Variants in DENND1A observed in about 807,000 individuals in gnomAD.
DENND1A encodes the protein DENN domain-containing protein 1A.
Under a neutral mutation model 113.7 loss-of-function variants are expected in DENND1A, and 51 were observed. That is an observed-to-expected ratio of 0.45 (90% CI 0.36 to 0.57). The LOEUF is 0.57. Ranked by LOEUF, DENND1A falls within the 20% of genes least tolerant of loss-of-function variation. DENND1A has a pLI of 0.00. For missense variants in DENND1A, 1,258 were observed against 1,395.9 expected (o/e 0.90, Z 1.57); for synonymous variants, 565 against 570.8 (o/e 0.99, Z 0.14).
intron 13 of DENND1A, among the ~76,000 whole-genome samples, chr9:123,462,689 T>A (rs1400111107): frequency 1.3e-5 from 2 of 152,074 alleles, no homozygotes; most frequent in Non-Finnish European, 2.9e-5. Flanking sequence ...CCCAGCTACT[T>A]GGGAGGCTGA....
intron 2 of DENND1A, among the ~76,000 whole-genome samples, chr9:123,814,929 T>C (rs771649576): frequency 4.6e-5 from 7 of 152,262 alleles, no homozygotes; most frequent in African/African-American, 7.2e-5. Context: ...ATATTATTCA[T>C]TGAATGATAG....
chr9:123,521,660 A>G (rs1477991749), intron 13 of DENND1A, among the ~76,000 whole-genome samples: 1 of 152,200 alleles, frequency 6.6e-6, no homozygotes, highest in East Asian at 1.9e-4. Context: ...TCTCTGTGTC[A>G]CCAAAGGCTG....
intron 2 of DENND1A, among the ~76,000 whole-genome samples, chr9:123,817,086 T>C (rs1564329615): frequency 6.6e-6 from 1 of 152,176 alleles, no homozygotes; most frequent in Non-Finnish European, 1.5e-5. Context: ...AACCTCTCTA[T>C]AATAACCTCA....
intron 4 of DENND1A, among the ~76,000 whole-genome samples, chr9:123,768,062 C>G (rs1829115024): frequency 6.6e-6 from 1 of 152,128 alleles, no homozygotes; most frequent in Admixed American, 6.5e-5. Context: ...TACTTCCTTG[C>G]ATTTTTAGGA....
At chr9:123,786,106 G>A (rs977955862) in intron 3 of DENND1A, among the ~76,000 whole-genome samples, 2 of 151,930 alleles carry the variant, frequency 1.3e-5, no homozygotes, top group East Asian at 1.9e-4. Context: ...CCAGCTACTC[G>A]GGAGGCTGAG....
chr9:123,713,991 A>G (rs1030104328), intron 5 of DENND1A, among the ~76,000 whole-genome samples: 5 of 152,218 alleles, frequency 3.3e-5, no homozygotes, highest in African/African-American at 1.2e-4. Context: ...TATAAGAGCC[A>G]TCTAAAAATT....
chr9:123,390,281 A>G (rs142710392), intron 21 of DENND1A, among the ~76,000 whole-genome samples: 160 of 151,532 alleles, frequency 1.1e-3, no homozygotes, highest in African/African-American at 3.7e-3. Flanking sequence ...TGCTGGGGGA[A>G]CCCCCACTTT....
In DENND1A at chr9:123,381,432, T is replaced by C. The variant is rs1459198832; in HGVS notation, c.3213A>G (p.Ter1071TrpextTer4). Residue 1071 changes from the stop codon to tryptophan, a stop_lost, in exon 24 of 24, where the codon TGA (stop) becomes TGG (tryptophan). Coordinates refer to ENST00000394215, the MANE Select transcript of DENND1A (RefSeq NM_001352964.2). This position sits in a 1 kb window ranked among gnomAD's most constrained non-coding sequence, Gnocchi z 4.7. Reference sequence around the variant, plus strand: ...GCATCCCCCACCCTCAGGGCCCGGCTCACTCGAAGGTCTCCCACTGCTTCC... The same window carrying C: ...GCATCCCCCACCCTCAGGGCCCGGCCCACTCGAAGGTCTCCCACTGCTTCC... ...QLRKQWETFE* is the reference protein window; with the variant it reads ...QLRKQWETFEW 1.2e-6 allele frequency: 2 copies of C among 1,612,606 alleles called. No individual in the cohort carries two copies. The highest frequency in any genetic ancestry group is 1.7e-6 in the Non-Finnish European group (2 of 1,179,840).
At chr9:123,793,788 A>G (rs532203863) in intron 2 of DENND1A, among the ~76,000 whole-genome samples, 5 of 152,332 alleles carry the variant, frequency 3.3e-5, no homozygotes, top group East Asian at 3.9e-4. Context: ...ATTAAAACCA[A>G]TGTGTATTAT....
At chr9:123,864,200 A>C (rs558459828) in intron 2 of DENND1A, among the ~76,000 whole-genome samples, 67 of 152,242 alleles carry the variant, frequency 4.4e-4, no homozygotes, top group Non-Finnish European at 8.8e-4. Flanking sequence ...GCAATTCTAA[A>C]AGATAAGCAT....
chr9:123,585,092 A>G (rs2059100173), intron 11 of DENND1A, among the ~76,000 whole-genome samples: 1 of 152,238 alleles, frequency 6.6e-6, no homozygotes, highest in African/African-American at 2.4e-5. Flanking sequence ...CTAGGATTGA[A>G]AAAACACTCC....
chr9:123,745,565 C>G (rs1387245606), intron 5 of DENND1A, among the ~76,000 whole-genome samples: 1 of 152,188 alleles, frequency 6.6e-6, no homozygotes, highest in East Asian at 1.9e-4. Flanking sequence ...TAAAATTGCC[C>G]AATTTGGCAT....
chr9:123,621,856 T>C (rs2060980390), intron 10 of DENND1A, among the ~76,000 whole-genome samples: 1 of 152,368 alleles, frequency 6.6e-6, no homozygotes, highest in African/African-American at 2.4e-5. Context: ...TGGATGTTAC[T>C]TCAGAATTGT....
At chr9:123,556,160 G>C (rs1430165207) in intron 13 of DENND1A, among the ~76,000 whole-genome samples, 1 of 152,220 alleles carries the variant, frequency 6.6e-6, no homozygotes, top group Admixed American at 6.5e-5. Flanking sequence ...AGGGAAATAT[G>C]TCTCAGGAAG....
At chr9:123,795,366 A>C (rs1833607882) in intron 2 of DENND1A, among the ~76,000 whole-genome samples, 1 of 152,242 alleles carries the variant, frequency 6.6e-6, no homozygotes, top group Non-Finnish European at 1.5e-5. Context: ...AGTCAATCGC[A>C]ATGCCATAAT....
chr9:123,921,134 C>T (rs1856176998), intron 1 of DENND1A, among the ~76,000 whole-genome samples: 1 of 152,066 alleles, frequency 6.6e-6, no homozygotes, highest in Non-Finnish European at 1.5e-5. Flanking sequence ...AACATACTTG[C>T]TGTTTTTTAA....
intron 1 of DENND1A, among the ~76,000 whole-genome samples, chr9:123,883,009 C>T (rs1418928864): frequency 6.6e-6 from 1 of 152,224 alleles, no homozygotes; most frequent in Non-Finnish European, 1.5e-5. Flanking sequence ...GCCCACTGAA[C>T]TCCAGCCACA....
intron 18 of DENND1A, among the ~76,000 whole-genome samples, chr9:123,448,766 C>G (rs757195421): frequency 2.0e-5 from 3 of 152,208 alleles, no homozygotes; most frequent in African/African-American, 7.2e-5. Flanking sequence ...CCACTCTCAG[C>G]TGAAACTAAG....
At chr9:123,646,145 G>A (rs2062311647) in intron 9 of DENND1A, among the ~76,000 whole-genome samples, 1 of 152,082 alleles carries the variant, frequency 6.6e-6, no homozygotes, top group Non-Finnish European at 1.5e-5. Context: ...TATTATAAAC[G>A]TCTGCAAAAG....
Sources: gnomAD v4.1 joint callset for allele counts (sites outside exome capture counted in the v4.1 genomes callset) on GRCh38, gnomAD v4.1.1 for gene constraint, Gnocchi (gnomAD v3.1) non-coding constraint, MANE v1.5 for transcripts, NCBI Gene and HGNC (gene_info 2026-07-23, HGNC 2026-07-21) for gene names.